The following EBF3 variants were observed in gnomAD, a reference collection of about 807,000 sequenced individuals.
EBF3 encodes EBF transcription factor 3.
A neutral mutation model predicts 77.1 loss-of-function variants in EBF3; 18 were observed. The ratio of observed to expected loss-of-function variants is 0.23; its 90% CI spans 0.16 to 0.35. EBF3 has a LOEUF of 0.35. Ranked by LOEUF, EBF3 falls within the 10% of genes least tolerant of loss-of-function variation. EBF3 has a pLI of 1.00. For synonymous variants in EBF3, 350 were observed against 343.5 expected (o/e 1.02, Z -0.21); for missense variants, 558 against 860.0 (o/e 0.65, Z 4.39).
chr10:129,933,109 C>A (rs1005938542), intron 6 of EBF3, among the ~76,000 whole-genome samples: 6 of 152,146 alleles, frequency 3.9e-5, no homozygotes, highest in African/African-American at 1.4e-4. Context: ...TTGGAATCAG[C>A]CTGATTGATG....
intron 6 of EBF3, among the ~76,000 whole-genome samples, chr10:129,936,705 G>T (rs1247559768): frequency 6.6e-6 from 1 of 150,702 alleles, no homozygotes; most frequent in African/African-American, 2.4e-5. Flanking sequence ...GCTGTGGGGG[G>T]ACCCTCAGCT....
chr10:129,950,046 C>T (rs1383311430), intron 6 of EBF3, among the ~76,000 whole-genome samples: 13 of 49,120 alleles, frequency 2.6e-4, no homozygotes, highest in Non-Finnish European at 4.0e-4. Flanking sequence ...GGGAGGGGGG[C>T]GGAGGCAGGG....
chr10:129,960,323 A>G (rs1859408261), intron 4 of EBF3, among the ~76,000 whole-genome samples: 1 of 151,788 alleles, frequency 6.6e-6, no homozygotes, highest in Non-Finnish European at 1.5e-5. Context: ...CTTTCTGGTG[A>G]AAGCCCGGGG....
intron 6 of EBF3, among the ~76,000 whole-genome samples, chr10:129,945,331 G>T (rs990120093): frequency 6.6e-6 from 1 of 152,106 alleles, no homozygotes; most frequent in Non-Finnish European, 1.5e-5. Flanking sequence ...ACCATCCCTC[G>T]AAGATAACTC....
At position 129,916,927 on chromosome 10, in the gene EBF3, A is replaced by G. The variant is rs1041046649; in HGVS notation, c.555-39078T>C. On this transcript the variant is annotated intron_variant, in intron 6 of 16. Transcript: ENST00000440978. ...GTGGGAATGAGGGCTAGTGACCCCC[A>G]AAGCCACATCCAGGCCTGAGTTTCT... Among the ~76,000 whole-genome samples the G allele has an allele frequency of 2.6e-5, 4 of 152,220 alleles. No individual in the cohort carries two copies. In the South Asian group the frequency reaches 8.3e-4, roughly 31 times the overall value.
intron 4 of EBF3, among the ~76,000 whole-genome samples, chr10:129,960,455 T>G (rs2134636496): frequency 1.3e-5 from 2 of 152,318 alleles, no homozygotes; most frequent in Middle Eastern, 6.8e-3. Context: ...CGCCTGGCGC[T>G]GCAGGGCGCG....
chr10:129,915,970 T>C (rs1254397363), intron 6 of EBF3, among the ~76,000 whole-genome samples: 2 of 152,016 alleles, frequency 1.3e-5, no homozygotes, highest in African/African-American at 4.8e-5. Context: ...ATCAGAATTT[T>C]CTCTGCAGAA....
chr10:129,854,037 G>A (rs553537820), intron 10 of EBF3, among the ~76,000 whole-genome samples: 4 of 152,188 alleles, frequency 2.6e-5, no homozygotes, highest in Admixed American at 6.5e-5. Context: ...GTGTGGCCAC[G>A]GAAGACAAAA....
chr10:129,942,827 T>C (rs780602561), intron 6 of EBF3, among the ~76,000 whole-genome samples: 12 of 152,164 alleles, frequency 7.9e-5, no homozygotes, highest in Non-Finnish European at 1.6e-4. Flanking sequence ...GGACAGACTC[T>C]CCTCCCATAC....
rs1174151151 is a variant in EBF3, at chr10:129,851,696, G to GTTGC, written c.1040-3220_1040-3217dup. On this transcript the variant is annotated intron_variant, in intron 10 of 16. Transcript: ENST00000440978. The stretch of plus-strand genomic sequence containing the variant: ...CTGAATTCAAATTTTGCTACGATGG[G>GTTGC]TTGCTGCGTATAAGAGATGAATGTA... Among the ~76,000 whole-genome samples, 9 of 152,268 alleles carry GTTGC rather than the reference G, an allele frequency of 5.9e-5. No individual in the cohort carries two copies. In the East Asian group the frequency reaches 1.2e-3, roughly 20 times the overall value.
Position 129,841,047 on chromosome 10 carries a change from C to A in EBF3, c.1373-15G>T, listed in dbSNP as rs1282070335. On this transcript the variant is annotated splice_polypyrimidine_tract_variant and intron_variant, in intron 13 of 16. Coordinates refer to ENST00000440978, the MANE Select transcript of EBF3 (RefSeq NM_001375380.1). This position sits in a 1 kb window ranked among gnomAD's most constrained non-coding sequence, Gnocchi z 4.6. ...ACTGTAGCCGACTGTTGAAATCCCC[C>A]CCCCGGCCAAAAATAACATTATTAT... The A allele has an allele frequency of 1.2e-6, 2 of 1,604,200 alleles. No homozygotes were observed. Among genetic ancestry groups the A allele is most frequent in the Admixed American group, 1.7e-5 (1 of 59,486 alleles).
Position 129,870,599 on chromosome 10 carries a change from T to C in EBF3, c.782-2687A>G, listed in dbSNP as rs1852338066. ...CCTGTTTTTAACTCTGAGGATCCTC[T>C]CAGCTACTTGGGAGAAGAGGCGCTC... is the stretch of plus-strand genomic sequence containing the variant. On this transcript the variant is annotated intron_variant, in intron 8 of 16. Coordinates refer to ENST00000440978, the MANE Select transcript of EBF3 (RefSeq NM_001375380.1). The surrounding 1 kb of genome is among the most constrained non-coding windows in gnomAD (Gnocchi z 4.4). Among the ~76,000 whole-genome samples, 1 of 152,064 alleles carries C rather than the reference T, an allele frequency of 6.6e-6. No individual in the cohort carries two copies. The highest frequency in any genetic ancestry group is 1.5e-5 in the Non-Finnish European group (1 of 68,004).
At chr10:129,846,949 G>C (rs1334592455) in intron 11 of EBF3, among the ~76,000 whole-genome samples, 2 of 152,046 alleles carry the variant, frequency 1.3e-5, no homozygotes, top group Non-Finnish European at 2.9e-5. Flanking sequence ...TGGAGGGCTG[G>C]TAGGCTTCCC....
Position 129,837,232 on chromosome 10 carries a change from A to C in EBF3, c.*711T>G, listed in dbSNP as rs1035744816. 1 of 152,742 alleles carries C rather than the reference A, an allele frequency of 6.5e-6. No individual in the cohort carries two copies. Among genetic ancestry groups the C allele is most frequent in the Admixed American group, 6.5e-5 (1 of 15,288 alleles). 9.5% of individuals were successfully genotyped at this position (152,742 alleles called of 1,614,324 possible). On this transcript the variant is annotated 3_prime_UTR_variant, in exon 17 of 17. Coordinates refer to ENST00000440978, the MANE Select transcript of EBF3 (RefSeq NM_001375380.1). ...TAGCAGTGGGAGAATATTGGAACCA[A>C]CAGACAGTAGCATTTTTTCTCTGTC...
In EBF3 at chr10:129,938,324, G is replaced by A. The variant is rs777012767; in HGVS notation, c.554+18934C>T. Among the ~76,000 whole-genome samples the A allele has an allele frequency of 6.6e-6, 1 of 150,436 alleles. No homozygotes were observed. Among genetic ancestry groups the A allele is most frequent in the Non-Finnish European group, 1.5e-5 (1 of 67,824 alleles). On this transcript the variant is annotated intron_variant, in intron 6 of 16. Transcript: ENST00000440978. The surrounding 1 kb of genome is among the most constrained non-coding windows in gnomAD (Gnocchi z 5.1). ...GAAGGCCAAGGGAGGCAGATCACTT[G>A]AGCTCAGGAGTTCAACACCAGCCTG...
chr10:129,883,482 G>T (rs940860556), intron 6 of EBF3, among the ~76,000 whole-genome samples: 2 of 152,138 alleles, frequency 1.3e-5, no homozygotes, highest in African/African-American at 4.8e-5. Context: ...GAGTTTTAAG[G>T]CAGAGAGCTC....
intron 6 of EBF3, among the ~76,000 whole-genome samples, chr10:129,928,939 G>C (rs980934752): frequency 1.3e-5 from 2 of 152,226 alleles, no homozygotes; most frequent in African/African-American, 4.8e-5. Context: ...TTAGCAGTTA[G>C]ATTTTGTCAC....
In EBF3 at chr10:129,836,531, A is replaced by G. The variant is rs886518260; in HGVS notation, c.*1412T>C. ...GACTATACAACAAACTTTTTTTTCA[A>G]AAGTATTTGTTCAGATAACTTAAAA... On this transcript the variant is annotated 3_prime_UTR_variant, in exon 17 of 17. Transcript: ENST00000440978. 1 of 152,588 alleles carries G rather than the reference A, an allele frequency of 6.6e-6. No individual in the cohort carries two copies. Among genetic ancestry groups the G allele is most frequent in the African/African-American group, 2.4e-5 (1 of 41,452 alleles). The allele number at this position is 152,588 out of a possible 1,614,324, so 9.5% of individuals were successfully genotyped here.
intron 6 of EBF3, among the ~76,000 whole-genome samples, chr10:129,922,988 G>A (rs889898296): frequency 6.6e-6 from 1 of 152,194 alleles, no homozygotes; most frequent in African/African-American, 2.4e-5. Context: ...AGTCAGCTGT[G>A]TGCCTGCCCC....
Sources: gnomAD v4.1 joint callset for allele counts (sites outside exome capture counted in the v4.1 genomes callset) on GRCh38, gnomAD v4.1.1 for gene constraint, Gnocchi (gnomAD v3.1) non-coding constraint, MANE v1.5 for transcripts, NCBI Gene and HGNC (gene_info 2026-07-23, HGNC 2026-07-21) for gene names.